Variants in IRAK4 observed in about 807,000 individuals in gnomAD.
The protein encoded by IRAK4 is interleukin 1 receptor associated kinase 4, also known as interleukin-1 receptor-associated kinase 4.
Under a neutral mutation model 51.8 loss-of-function variants are expected in IRAK4, and 44 were observed. That is an observed-to-expected ratio of 0.85 (90% confidence interval 0.67 to 1.09). The LOEUF is 1.09. Among genes scored for constraint, IRAK4 ranks in the 50% least tolerant of loss-of-function variants. The pLI is 0.00. For synonymous variants in IRAK4, 149 were observed against 174.1 expected (o/e 0.86, Z 1.13); for missense variants, 487 against 538.0 (o/e 0.91, Z 0.94).
At chr12:43,765,492 T>TAGCAGAATTTA (rs1555166060) in intron 1 of IRAK4, among the ~76,000 whole-genome samples, 9 of 152,194 alleles carry the variant, frequency 5.9e-5, no homozygotes, top group Non-Finnish European at 1.0e-4. Context: ...TGTTTGTTCT[T>TAGCAGAATTTA]GCTTTAGTTT....
At chr12:43,764,833 A>T (rs1939951574) in intron 1 of IRAK4, among the ~76,000 whole-genome samples, 1 of 152,242 alleles carries the variant, frequency 6.6e-6, no homozygotes, top group Non-Finnish European at 1.5e-5. Flanking sequence ...AGAAACACTT[A>T]GAAAAGCTAC....
chr12:43,786,040 T>A (rs1386751989), intron 10 of IRAK4, among the ~76,000 whole-genome samples: 1 of 120,992 alleles, frequency 8.3e-6, no homozygotes, highest in Non-Finnish European at 1.8e-5. Context: ...ATGTCTTCAA[T>A]TTTTTTTTTT....
At chr12:43,774,302 T>C (rs1367194349) in intron 6 of IRAK4, among the ~76,000 whole-genome samples, 1 of 152,200 alleles carries the variant, frequency 6.6e-6, no homozygotes, top group Non-Finnish European at 1.5e-5. Flanking sequence ...TGGAGTGCAG[T>C]GGCATGATCT....
chr12:43,771,066 T>G, intron 2 of IRAK4, 154 bp from the exon 3 acceptor site: 1 of 733,166 alleles, frequency 1.4e-6, no homozygotes, highest in Non-Finnish European at 2.4e-6. Context: ...CCTAACCAGA[T>G]GCAGCCTCTC....
chr12:43,760,299 C>G (rs904461228), intron 1 of IRAK4, among the ~76,000 whole-genome samples: 20 of 152,196 alleles, frequency 1.3e-4, no homozygotes, highest in Non-Finnish European at 2.9e-4. Context: ...TGGTCCCAGC[C>G]TGCAGCACGT....
At chr12:43,785,331 T>C (rs1254070062) in intron 10 of IRAK4, among the ~76,000 whole-genome samples, 1 of 152,112 alleles carries the variant, frequency 6.6e-6, no homozygotes, top group Non-Finnish European at 1.5e-5. Context: ...TTTTTTATCA[T>C]GGCCTGCTCC....
intron 9 of IRAK4, among the ~76,000 whole-genome samples, chr12:43,783,055 G>A (rs1941915470): frequency 6.6e-6 from 1 of 152,020 alleles, no homozygotes; most frequent in Admixed American, 6.5e-5. Flanking sequence ...AAAAGGATTG[G>A]GAGTCCTTAG....
At position 43,777,673 on chromosome 12, in the gene IRAK4, G is replaced by T. The variant is rs762667477; in HGVS notation, c.760G>T (p.Asp254Tyr). ...NLVELLGFSS[D>Y]GDDLCLVYVY... ...AGTAGAACTACTTGGTTTCTCAAGTGATGGAGATGACCTCTGCTTAGTATA... is the reference window on the plus strand; with the variant it reads ...AGTAGAACTACTTGGTTTCTCAAGTTATGGAGATGACCTCTGCTTAGTATA... Residue 254 changes from aspartate (D) to tyrosine (Y), a missense_variant, in exon 7 of 12, where the codon GAT becomes TAT. Transcript: ENST00000613694. 1.2e-6 allele frequency: 2 copies of T among 1,610,698 alleles called. No homozygotes were observed. The highest frequency in any genetic ancestry group is 4.5e-5 in the East Asian group (2 of 44,686).
At chr12:43,775,992 C>T (rs1941233373) in intron 6 of IRAK4, among the ~76,000 whole-genome samples, 1 of 150,762 alleles carries the variant, frequency 6.6e-6, no homozygotes, top group Non-Finnish European at 1.5e-5. Context: ...CGCCATTCTC[C>T]CGCCTCAGCC....
rs1941465194 is a variant in IRAK4, at chr12:43,778,225, ATGCAAGATTGCTCAGGG to A, written c.869_885del (p.Lys290SerfsTer2). On this transcript the variant is annotated frameshift_variant, in exon 8 of 12. Transcript: ENST00000613694. LOFTEE classifies it high-confidence loss of function. ...CTCCACCACTTTCTTGGCACATGAG[ATGCAAGATTGCTCAGGG>A]TGCAGCTAATGGCATCAATTTTCTA... 1.9e-6 allele frequency: 3 copies of A among 1,610,628 alleles called. No individual in the cohort carries two copies. The highest frequency in any genetic ancestry group is 2.5e-6 in the Non-Finnish European group (3 of 1,176,904).
chr12:43,779,580 C>A (rs910305575), intron 8 of IRAK4, among the ~76,000 whole-genome samples: 4 of 152,188 alleles, frequency 2.6e-5, no homozygotes, highest in South Asian at 4.2e-4. Flanking sequence ...ATTAAAATGG[C>A]AAAACTTGTT....
chr12:43,782,895 AT>A (rs539053022), intron 9 of IRAK4, among the ~76,000 whole-genome samples: 1 of 152,086 alleles, frequency 6.6e-6, no homozygotes, highest in Non-Finnish European at 1.5e-5. Context: ...TCTTCATTTT[AT>A]TTTTTCATAC....
At position 43,762,948 on chromosome 12, in the gene IRAK4, A is replaced by C. The variant is rs4251435; in HGVS notation, c.-10+3932A>C. ...CTAGATTCAAAAGAGGTTTCTCTCT[A>C]TTCAAGGCTGATTTCTTCACCCTAT... is the stretch of plus-strand genomic sequence containing the variant. On this transcript the variant is annotated intron_variant, in intron 1 of 11. Transcript: ENST00000613694. Among the ~76,000 whole-genome samples the C allele has an allele frequency of 8.4e-3, 1,278 of 152,274 alleles. 18 individuals are homozygous for C. Among genetic ancestry groups the C allele is most frequent in the African/African-American group, 0.028 (1,157 of 41,544 alleles).
At chr12:43,768,304 T>C (rs1940386134) in intron 2 of IRAK4, 32 bp downstream of exon 2, 2 of 1,501,584 alleles carry the variant, frequency 1.3e-6, no homozygotes, top group Non-Finnish European at 1.8e-6. Context: ...ATTTTTAAAT[T>C]CTTACATCAC....
Position 43,774,030 on chromosome 12 carries a change from G to A in IRAK4, c.716+1G>A. ...ATCAAGAAATAAAAGTAATGGCAAA[G>A]TAAGTCTTAATCTGGCAGTGCGGTG... is the stretch of plus-strand genomic sequence containing the variant. On this transcript the variant is annotated splice_donor_variant, in intron 6 of 11. Coordinates refer to ENST00000613694, the MANE Select transcript of IRAK4 (RefSeq NM_016123.4). LOFTEE classifies it high-confidence loss of function. The A allele has an allele frequency of 6.2e-7, 1 of 1,607,062 alleles. No individual in the cohort carries two copies. Among genetic ancestry groups the A allele is most frequent in the East Asian group, 2.2e-5 (1 of 44,822 alleles).
rs1199041696 is a variant in IRAK4, at chr12:43,768,206, G to A, written c.95G>A (p.Trp32Ter). The A allele has an allele frequency of 6.2e-7, 1 of 1,613,378 alleles. No individual in the cohort carries two copies. The highest frequency in any genetic ancestry group is 1.3e-5 in the African/African-American group (1 of 75,016). ...LSDFIDPQEG[W>*]KKLAVAIKKP... ...GATTTTATTGATCCTCAAGAAGGAT[G>A]GAAGAAGTTAGCTGTAGCTATTAAA... is the stretch of plus-strand genomic sequence containing the variant. Residue 32 changes from tryptophan (W) to a stop codon, truncating the protein, a stop_gained, in exon 2 of 12, where the codon TGG (tryptophan) becomes TAG (stop). Coordinates refer to ENST00000613694, the MANE Select transcript of IRAK4 (RefSeq NM_016123.4). LOFTEE classifies it high-confidence loss of function.
At position 43,773,968 on chromosome 12, in the gene IRAK4, G is replaced by T. The variant is rs1941030825; in HGVS notation, c.655G>T (p.Val219Phe). The change falls in exon 6 of 12, where the codon GTT becomes TTT. Residue 219 changes from valine to phenylalanine, a missense_variant. Transcript: ENST00000613694. ...TVAVKKLAAM[V>F]DITTEELKQQ... ...ATTGTATATTTTATTTTTTCAGATG[G>T]TTGACATTACTACTGAAGAACTGAA... The T allele has an allele frequency of 1.9e-6, 3 of 1,595,576 alleles. No homozygotes were observed. The highest frequency in any genetic ancestry group is 2.6e-6 in the Non-Finnish European group (3 of 1,164,062).
At chr12:43,772,437 CT>C (rs2137944173) in intron 4 of IRAK4, 75 bp downstream of exon 4, 1 of 1,354,058 alleles carries the variant, frequency 7.4e-7, no homozygotes, top group African/African-American at 1.4e-5. Flanking sequence ...AAAGCTCTTG[CT>C]CTTTTGTTTG....
At chr12:43,771,559 T>G (rs1036653790) in intron 3 of IRAK4, among the ~76,000 whole-genome samples, 194 bp downstream of exon 3, 1 of 152,192 alleles carries the variant, frequency 6.6e-6, no homozygotes, top group Non-Finnish European at 1.5e-5. Flanking sequence ...GCTGCTAAGG[T>G]GATAGAAGCT....
Sources: gnomAD v4.1 joint callset for allele counts (sites outside exome capture counted in the v4.1 genomes callset) on GRCh38, gnomAD v4.1.1 for gene constraint, MANE v1.5 for transcripts, NCBI Gene and HGNC (gene_info 2026-07-23, HGNC 2026-07-21) for gene names.